TCP11: variants seen among roughly 807,000 people sequenced by gnomAD.
The protein encoded by TCP11 is T-complex protein 11 homolog.
Under a neutral mutation model 45.0 loss-of-function variants are expected in TCP11, and 34 were observed. That is an observed-to-expected ratio of 0.76 (90% CI 0.57 to 1.01). The LOEUF is 1.01. Ranked by LOEUF, TCP11 falls within the 50% of genes least tolerant of loss-of-function variation. The pLI is 0.00. For missense variants in TCP11, 523 were observed against 598.1 expected, an observed-to-expected ratio of 0.87 and a Z score of 1.31; for synonymous variants, 227 against 227.0, an observed-to-expected ratio of 1.00 and a Z score of 0.00.
At chr6:35,138,092 G>A (rs558034179) in intron 2 of TCP11, among the ~76,000 whole-genome samples, 3 of 152,220 alleles carry the variant, frequency 2.0e-5, no homozygotes, top group Admixed American at 1.3e-4. Context: ...AATAACAAAC[G>A]CTGGTGAGGA....
At chr6:35,126,368 A>G (rs1378426014) in intron 4 of TCP11, among the ~76,000 whole-genome samples, 1 of 152,168 alleles carries the variant, frequency 6.6e-6, no homozygotes, top group Non-Finnish European at 1.5e-5. Context: ...CAGTACCAGC[A>G]TCCAGATAAT....
chr6:35,126,000 A>G (rs902252714), intron 4 of TCP11, among the ~76,000 whole-genome samples: 2 of 152,228 alleles, frequency 1.3e-5, no homozygotes, highest in African/African-American at 4.8e-5. Flanking sequence ...GAGAGGGGAA[A>G]GGGAAATTAT....
intron 3 of TCP11, among the ~76,000 whole-genome samples, chr6:35,132,809 C>T (rs547234719): frequency 6.6e-6 from 1 of 152,312 alleles, no homozygotes; most frequent in East Asian, 1.9e-4. Context: ...CCTGCAACTC[C>T]CTCACCACCA....
At chr6:35,138,325 T>C (rs958646380) in intron 2 of TCP11, among the ~76,000 whole-genome samples, 7 of 152,200 alleles carry the variant, frequency 4.6e-5, no homozygotes, top group Admixed American at 1.3e-4. Flanking sequence ...AGCCAAGATT[T>C]GGAAGCAACC....
chr6:35,120,486 C>G lies in TCP11; in HGVS notation c.876G>C (p.Leu292=). The part of the protein sequence containing the change: ...NPEPLSPTMV[L]CQGFLNLLLW... Reference sequence around the variant, plus strand: ...GAAGGAGGTTCAAGAAGCCCTGACACAGCACCATTGTGGGGCTGAGGGGCT... The same window carrying G: ...GAAGGAGGTTCAAGAAGCCCTGACAGAGCACCATTGTGGGGCTGAGGGGCT... The change falls in exon 7 of 10, where the codon CTG becomes CTC. Residue 292 remains leucine (L), a synonymous_variant. Coordinates refer to ENST00000311875, the MANE Select transcript of TCP11 (RefSeq NM_001370687.1). The surrounding 1 kb of genome is among the most constrained non-coding windows in gnomAD (Gnocchi z 4.9). 6.2e-7 allele frequency: 1 copy of G among 1,612,216 alleles called. No individual in the cohort carries two copies. The highest frequency in any genetic ancestry group is 8.5e-7 in the Non-Finnish European group (1 of 1,179,232).
chr6:35,123,822 C>T (rs766897336), intron 4 of TCP11, among the ~76,000 whole-genome samples: 1 of 151,848 alleles, frequency 6.6e-6, no homozygotes, highest in Non-Finnish European at 1.5e-5. Flanking sequence ...GAGTCTCACT[C>T]TGTTGCCCAG....
intron 3 of TCP11, among the ~76,000 whole-genome samples, chr6:35,135,613 C>T (rs1279783688): frequency 2.3e-5 from 3 of 130,072 alleles, no homozygotes; most frequent in Non-Finnish European, 4.8e-5. Context: ...CAGTGAGACC[C>T]CATCTCTAAA....
chr6:35,134,415 A>G (rs1780827158), intron 3 of TCP11, among the ~76,000 whole-genome samples: 1 of 151,292 alleles, frequency 6.6e-6, no homozygotes, highest in South Asian at 2.1e-4. Flanking sequence ...TGAGTAGCTG[A>G]GACTACAGGC....
chr6:35,139,918 G>C (rs1781523834), intron 2 of TCP11: 5 of 1,246,550 alleles, frequency 4.0e-6, no homozygotes, highest in Non-Finnish European at 5.7e-6. Context: ...AAAGGAATTT[G>C]ATTATTCATT....
intron 8 of TCP11, 55 bp from the exon 9 acceptor site, chr6:35,119,446 C>T (rs1778992265): frequency 1.3e-6 from 2 of 1,589,984 alleles, no homozygotes; most frequent in East Asian, 2.2e-5. Context: ...GGCATAGGCC[C>T]AGGGCCCAGC....
At chr6:35,133,534 G>A (rs1366428763) in intron 3 of TCP11, among the ~76,000 whole-genome samples, 4 of 151,806 alleles carry the variant, frequency 2.6e-5, no homozygotes, top group Non-Finnish European at 4.4e-5. Flanking sequence ...GCTCACGCCT[G>A]TAATCCTGGC....
Position 35,120,153 on chromosome 6 carries a change from G to A in TCP11, c.1115+6C>T, listed in dbSNP as rs1779063296. On this transcript the variant is annotated splice_donor_region_variant and intron_variant, in intron 8 of 9. Coordinates refer to ENST00000311875, the MANE Select transcript of TCP11 (RefSeq NM_001370687.1). This position sits in a 1 kb window ranked among gnomAD's most constrained non-coding sequence, Gnocchi z 4.9. ...TTCTACTCTAAAAAGTAACTATGCA[G>A]CTCACCTGGAGTGAAAGTCTTCCAA... 6.2e-7 allele frequency: 1 copy of A among 1,613,046 alleles called. No individual in the cohort carries two copies. The highest frequency in any genetic ancestry group is 1.3e-5 in the African/African-American group (1 of 74,922).
At chr6:35,137,678 A>G (rs1446220160) in intron 2 of TCP11, 1 of 413,850 alleles carries the variant, frequency 2.4e-6, no homozygotes, top group African/African-American at 2.0e-5. Context: ...TAATAGGTAT[A>G]TATGGTAGTT....
In TCP11 at chr6:35,141,128, GCCCCTTCCTTCGCGGCGAGGTGCC is replaced by G. The variant is rs1781725720; in HGVS notation, c.-15+53_-15+76del. 16 of 1,311,854 alleles carry G rather than the reference GCCCCTTCCTTCGCGGCGAGGTGCC, an allele frequency of 1.2e-5. No individual in the cohort carries two copies. In the South Asian group the frequency reaches 3.3e-4, roughly 27 times the overall value. 81.3% of individuals were successfully genotyped at this position (1,311,854 alleles called of 1,614,324 possible). ...GGCGCAGGGCGGGAAGCGTGGGAAG[GCCCCTTCCTTCGCGGCGAGGTGCC>G]CCCCTCGCCCGAAACGCCGGCCCAG... On this transcript the variant is annotated intron_variant, in intron 1 of 9. Transcript: ENST00000311875.
At chr6:35,140,002 A>C (rs758314563) in intron 2 of TCP11, 1 of 1,613,714 alleles carries the variant, frequency 6.2e-7, no homozygotes, top group East Asian at 2.2e-5. Context: ...GTACAAAAAA[A>C]CGGATTTTTC....
At chr6:35,136,472 T>C (rs190646220) in intron 2 of TCP11, among the ~76,000 whole-genome samples, 14 of 149,834 alleles carry the variant, frequency 9.3e-5, no homozygotes, top group Middle Eastern at 6.8e-3. Context: ...GTGAAACAGA[T>C]GAAAAACTTT....
At chr6:35,121,498 C>T (rs1320994360) in intron 5 of TCP11, among the ~76,000 whole-genome samples, 2 of 151,092 alleles carry the variant, frequency 1.3e-5, no homozygotes, top group East Asian at 1.9e-4. Context: ...GTGTGTGAAC[C>T]GAAAGAAGAG....
chr6:35,118,240 C>T lies in TCP11; in HGVS notation c.*29G>A. The T allele has an allele frequency of 6.3e-7, 1 of 1,595,708 alleles. No individual in the cohort carries two copies. On this transcript the variant is annotated 3_prime_UTR_variant, in exon 10 of 10. Transcript: ENST00000311875. The stretch of plus-strand genomic sequence containing the variant: ...AAGATGATGGGCCTCCTCTTGGGTC[C>T]AAGGTACCAGGGCTCTGAGCCGACG...
chr6:35,140,305 A>G, intron 2 of TCP11: 1 of 1,102,242 alleles, frequency 9.1e-7, no homozygotes, highest in Non-Finnish European at 1.3e-6. Flanking sequence ...TTGTGCCCCA[A>G]CAAGAACACA....
Sources: gnomAD v4.1 joint callset for allele counts (sites outside exome capture counted in the v4.1 genomes callset) on GRCh38, gnomAD v4.1.1 for gene constraint, Gnocchi (gnomAD v3.1) non-coding constraint, MANE v1.5 for transcripts, NCBI Gene and HGNC (gene_info 2026-07-23, HGNC 2026-07-21) for gene names.